Variants in CCDC138 observed in about 807,000 individuals in gnomAD.
The protein encoded by CCDC138 is coiled-coil domain-containing protein 138.
Under a neutral mutation model 82.3 loss-of-function variants are expected in CCDC138, and 66 were observed. That is an observed-to-expected ratio of 0.80 (90% CI 0.66 to 0.98). The LOEUF is 0.98. CCDC138 is among the 50% of genes least tolerant of loss of function. The pLI is 0.00. For synonymous variants in CCDC138, 297 were observed against 265.4 expected, an observed-to-expected ratio of 1.12 and a Z score of -1.16; for missense variants, 816 against 758.9, an observed-to-expected ratio of 1.08 and a Z score of -0.88.
chr2:108,788,618 G>A (rs994413340), intron 2 of CCDC138, among the ~76,000 whole-genome samples: 1 of 151,858 alleles, frequency 6.6e-6, no homozygotes. Flanking sequence ...TACTCAGGAG[G>A]CTGAGGCAGG....
At chr2:108,826,097 A>G (rs1323212419) in intron 10 of CCDC138, among the ~76,000 whole-genome samples, 1 of 151,938 alleles carries the variant, frequency 6.6e-6, no homozygotes, top group Non-Finnish European at 1.5e-5. Flanking sequence ...TTTTTAATTG[A>G]GTTATCTTTT....
intron 10 of CCDC138, among the ~76,000 whole-genome samples, chr2:108,819,644 G>T (rs1187248605): frequency 6.6e-6 from 1 of 152,192 alleles, no homozygotes; most frequent in Non-Finnish European, 1.5e-5. Context: ...TGTCTCAGAA[G>T]AATTTGGATG....
At chr2:108,836,311 G>A (rs993302300) in intron 10 of CCDC138, among the ~76,000 whole-genome samples, 2 of 152,078 alleles carry the variant, frequency 1.3e-5, no homozygotes, top group South Asian at 2.1e-4. Context: ...CATAAGGTTC[G>A]TCCATGTTGT....
In CCDC138 at chr2:108,857,066, CTTTTTTTTTTTTT is replaced by C. The variant is rs35540493; in HGVS notation, c.1693+115_1693+127del. 122 of 44,086 alleles carry C rather than the reference CTTTTTTTTTTTTT, an allele frequency of 2.8e-3. 2 individuals carry two copies. The highest frequency in any genetic ancestry group is 0.013 in the Middle Eastern group (1 of 76). 2.7% of individuals were successfully genotyped at this position (44,086 alleles called of 1,614,324 possible). ...TAACTCCACATATCAGATACTATTG[CTTTTTTTTTTTTT>C]TTTTTTTTTTTTTTTTTTGAGATGG... On this transcript the variant is annotated intron_variant, in intron 13 of 14. Coordinates refer to ENST00000295124, the MANE Select transcript of CCDC138 (RefSeq NM_144978.3).
At chr2:108,867,266 C>A (rs1000543233) in intron 13 of CCDC138, among the ~76,000 whole-genome samples, 23 of 152,162 alleles carry the variant, frequency 1.5e-4, no homozygotes, top group Admixed American at 1.3e-3. Context: ...AAGAGAGAAG[C>A]TCCCCGCTGG....
At chr2:108,800,856 C>A (rs1238765408) in intron 6 of CCDC138, among the ~76,000 whole-genome samples, 1 of 123,962 alleles carries the variant, frequency 8.1e-6, no homozygotes, top group Non-Finnish European at 1.7e-5. Flanking sequence ...CAATTCCCAC[C>A]TATGAGTGAG....
At chr2:108,809,320 A>G (rs1211187519) in intron 7 of CCDC138, among the ~76,000 whole-genome samples, 1 of 152,132 alleles carries the variant, frequency 6.6e-6, no homozygotes, top group East Asian at 1.9e-4. Context: ...GATTTCATAC[A>G]CAGTTTAGAA....
intron 1 of CCDC138, among the ~76,000 whole-genome samples, 163 bp downstream of exon 1, chr2:108,787,078 C>T (rs1427895071): frequency 6.6e-6 from 1 of 151,852 alleles, no homozygotes; most frequent in East Asian, 1.9e-4. Context: ...GCGGGAGGGG[C>T]GGGCGTTGCG....
intron 13 of CCDC138, 46 bp downstream of exon 13, chr2:108,857,016 T>C: frequency 9.2e-7 from 1 of 1,085,486 alleles, no homozygotes. Context: ...GGATGATTTT[T>C]CTGTCTTTAT....
In CCDC138 at chr2:108,876,393, AAAATG is replaced by A; in HGVS notation, c.*145_*149del. Reference sequence around the variant, plus strand: ...AAATAAATAATTTTTTTGAACTGTAAAAATGAAATCTGTAGAAGGTATTGGAACTT... The same window carrying A: ...AAATAAATAATTTTTTTGAACTGTAAAAATCTGTAGAAGGTATTGGAACTT... On this transcript the variant is annotated 3_prime_UTR_variant, in exon 15 of 15. Transcript: ENST00000295124. The A allele has an allele frequency of 1.9e-6, 1 of 512,890 alleles. No individual in the cohort carries two copies. Among genetic ancestry groups the A allele is most frequent in the Non-Finnish European group, 3.3e-6 (1 of 300,646 alleles). The allele number at this position is 512,890 out of a possible 1,614,324, so 31.8% of individuals were successfully genotyped here.
intron 7 of CCDC138, among the ~76,000 whole-genome samples, chr2:108,806,633 G>C (rs918156391): frequency 1.3e-5 from 2 of 152,114 alleles, no homozygotes; most frequent in Non-Finnish European, 2.9e-5. Flanking sequence ...AATAAGTAAC[G>C]AGCGTGGCTG....
chr2:108,791,617 C>T (rs758529534), intron 3 of CCDC138, 58 bp from the exon 4 acceptor site: 1 of 1,561,720 alleles, frequency 6.4e-7, no homozygotes, highest in Non-Finnish European at 8.8e-7. Context: ...GCAGTTTTAT[C>T]TTTTTAAAGT....
chr2:108,831,261 G>C (rs1229382866), intron 10 of CCDC138, among the ~76,000 whole-genome samples: 1 of 152,130 alleles, frequency 6.6e-6, no homozygotes, highest in Non-Finnish European at 1.5e-5. Context: ...AAATACACCT[G>C]ATGATCTTAA....
At chr2:108,837,436 T>C (rs1688755919) in intron 10 of CCDC138, among the ~76,000 whole-genome samples, 1 of 152,192 alleles carries the variant, frequency 6.6e-6, no homozygotes, top group Non-Finnish European at 1.5e-5. Flanking sequence ...CACTGTATAA[T>C]GATGTTTAAG....
chr2:108,883,785 CT>C (rs1696355843), intron 2 of CCDC138: 1 of 152,268 alleles, frequency 6.6e-6, no homozygotes, highest in African/African-American at 2.4e-5. Flanking sequence ...GGGTCTGCCC[CT>C]CTTGGTTTCC....
chr2:108,790,608 A>G (rs779560046), intron 3 of CCDC138, among the ~76,000 whole-genome samples: 1 of 152,224 alleles, frequency 6.6e-6, no homozygotes, highest in Non-Finnish European at 1.5e-5. Flanking sequence ...AGGCTGAGAC[A>G]GGAGAATTGC....
chr2:108,878,677 T>C (rs571447042), downstream of CCDC138, among the ~76,000 whole-genome samples: 1 of 152,274 alleles, frequency 6.6e-6, no homozygotes, highest in South Asian at 2.1e-4. Context: ...TTTTAAATAA[T>C]GGGAAAAGCA....
At chr2:108,822,958 G>C (rs1336603297) in intron 10 of CCDC138, among the ~76,000 whole-genome samples, 1 of 152,088 alleles carries the variant, frequency 6.6e-6, no homozygotes, top group African/African-American at 2.4e-5. Flanking sequence ...AGAAAGGAAA[G>C]AAGGGATCTT....
chr2:108,821,687 C>T (rs1381170210), intron 10 of CCDC138, among the ~76,000 whole-genome samples: 1 of 151,762 alleles, frequency 6.6e-6, no homozygotes, highest in East Asian at 1.9e-4. Context: ...CCTCATGCCT[C>T]CAATCCCAGT....
Sources: gnomAD v4.1 joint callset for allele counts (sites outside exome capture counted in the v4.1 genomes callset) on GRCh38, gnomAD v4.1.1 for gene constraint, MANE v1.5 for transcripts, NCBI Gene and HGNC (gene_info 2026-07-23, HGNC 2026-07-21) for gene names.